Variants in GAS7 observed in about 807,000 individuals in gnomAD.
GAS7 encodes the protein growth arrest-specific protein 7.
A neutral mutation model predicts 71.1 loss-of-function variants in GAS7; 28 were observed. That is an observed-to-expected ratio of 0.39 (90% CI 0.29 to 0.54). The LOEUF is 0.54. Ranked by LOEUF, GAS7 falls within the 20% of genes least tolerant of loss-of-function variation. The pLI is 0.62. For missense variants in GAS7, 436 were observed against 627.8 expected (o/e 0.69, Z 3.27); for synonymous variants, 258 against 245.8 (o/e 1.05, Z -0.46).
At chr17:10,008,638 T>C (rs1295476162) in intron 2 of GAS7, among the ~76,000 whole-genome samples, 1 of 152,048 alleles carries the variant, frequency 6.6e-6, no homozygotes, top group Non-Finnish European at 1.5e-5. Context: ...ACGGATATCC[T>C]GGAAGAGAAA....
chr17:10,179,094 C>CTGAGGTG (rs2074395202), intron 1 of GAS7, among the ~76,000 whole-genome samples: 2 of 152,074 alleles, frequency 1.3e-5, no homozygotes. Flanking sequence ...GTTTGCAAGG[C>CTGAGGTG]TGAGGTGGGC....
intron 1 of GAS7, among the ~76,000 whole-genome samples, chr17:10,064,286 T>C (rs1017801186): frequency 8.5e-5 from 13 of 152,262 alleles, no homozygotes; most frequent in African/African-American, 2.6e-4. Context: ...CCTCACAGCA[T>C]GATCTGGCAT....
rs374265724 is a variant in GAS7 at position 9,992,480 on chromosome 17, G to A, written c.305-10596C>T. On this transcript the variant is annotated intron_variant, in intron 2 of 13. Transcript: ENST00000432992. ...GGGAAGCCCGGAGGGAAAAGGTTCC[G>A]GGGAGAAGGTTCCAGTGTGTGGGCA... Among the ~76,000 whole-genome samples, 17 of 152,196 alleles carry A rather than the reference G, an allele frequency of 1.1e-4. No individual in the cohort carries two copies. The East Asian group carries it at 1.3e-3, about 12-fold the overall frequency.
chr17:10,191,141 C>T (rs1472277570), intron 1 of GAS7, among the ~76,000 whole-genome samples: 1 of 147,958 alleles, frequency 6.8e-6, no homozygotes, highest in Non-Finnish European at 1.5e-5. Context: ...CGCCATTGTA[C>T]TCCAGCCTGG....
At chr17:10,072,265 G>A (rs906586924) in intron 1 of GAS7, among the ~76,000 whole-genome samples, 6 of 152,124 alleles carry the variant, frequency 3.9e-5, no homozygotes, top group African/African-American at 7.2e-5. Context: ...TATCTGCCCC[G>A]ATACCTGGTT....
intron 5 of GAS7, among the ~76,000 whole-genome samples, chr17:9,953,128 A>G (rs2069087367): frequency 6.6e-6 from 1 of 151,908 alleles, no homozygotes; most frequent in Admixed American, 6.6e-5. Flanking sequence ...GATAAAGGAA[A>G]CGTGGTACAT....
At chr17:10,192,081 G>C (rs2074506960) in intron 1 of GAS7, among the ~76,000 whole-genome samples, 1 of 152,092 alleles carries the variant, frequency 6.6e-6, no homozygotes, top group African/African-American at 2.4e-5. Context: ...ATCCTCTTAA[G>C]ACTCCTCAAA....
intron 2 of GAS7, among the ~76,000 whole-genome samples, chr17:9,994,551 A>C (rs2152146924): frequency 6.7e-6 from 1 of 148,162 alleles, no homozygotes; most frequent in East Asian, 1.9e-4. Context: ...TAAAGACTTA[A>C]ACGTTAGACC....
chr17:10,191,297 C>T (rs984303750), intron 1 of GAS7, among the ~76,000 whole-genome samples: 5 of 152,064 alleles, frequency 3.3e-5, no homozygotes, highest in African/African-American at 7.2e-5. Flanking sequence ...AGGCTGGGCA[C>T]GGTGGCTCAT....
chr17:10,007,649 A>AAAAAAAAAC (rs2071594284), intron 2 of GAS7, among the ~76,000 whole-genome samples: 1 of 147,598 alleles, frequency 6.8e-6, no homozygotes, highest in African/African-American at 2.6e-5. Context: ...AAAAAAAAAA[A>AAAAAAAAAC]AGAACAGTTT....
At chr17:10,170,033 G>A (rs1256954589) in intron 1 of GAS7, among the ~76,000 whole-genome samples, 1 of 152,016 alleles carries the variant, frequency 6.6e-6, no homozygotes, top group African/African-American at 2.4e-5. Flanking sequence ...AATCCCATTG[G>A]TCTCGCTCTC....
intron 1 of GAS7, among the ~76,000 whole-genome samples, chr17:10,147,475 T>C (rs1385937291): frequency 1.3e-5 from 2 of 152,152 alleles, no homozygotes; most frequent in East Asian, 1.9e-4. Context: ...ATCCTCAAAG[T>C]TTCTGTAAAC....
chr17:9,937,492 C>T (rs765892926), intron 8 of GAS7, among the ~76,000 whole-genome samples: 6 of 152,204 alleles, frequency 3.9e-5, no homozygotes, highest in Non-Finnish European at 7.3e-5. Flanking sequence ...TCTCAGGCCC[C>T]GTGCATGGAG....
At chr17:9,968,759 T>C (rs1376291290) in intron 4 of GAS7, among the ~76,000 whole-genome samples, 1 of 152,214 alleles carries the variant, frequency 6.6e-6, no homozygotes, top group Admixed American at 6.5e-5. Flanking sequence ...TAGATTTCCT[T>C]CTTCCAGTGA....
intron 1 of GAS7, among the ~76,000 whole-genome samples, chr17:10,065,363 C>G (rs963848815): frequency 6.6e-6 from 1 of 152,186 alleles, no homozygotes; most frequent in South Asian, 2.1e-4. Context: ...TCTCACAGTT[C>G]TGGATGCCAA....
intron 2 of GAS7, among the ~76,000 whole-genome samples, chr17:10,002,934 G>T (rs2071327992): frequency 6.6e-6 from 1 of 152,186 alleles, no homozygotes; most frequent in Non-Finnish European, 1.5e-5. Context: ...CCAGCAATAG[G>T]ATGGCTGGGT....
chr17:10,065,023 C>T (rs1157021232), intron 1 of GAS7, among the ~76,000 whole-genome samples: 3 of 152,100 alleles, frequency 2.0e-5, no homozygotes, highest in Non-Finnish European at 2.9e-5. Flanking sequence ...GGTCTCACTA[C>T]GTTGCTGAGG....
intron 8 of GAS7, among the ~76,000 whole-genome samples, chr17:9,939,463 C>A (rs1200493602): frequency 6.6e-6 from 1 of 152,196 alleles, no homozygotes; most frequent in African/African-American, 2.4e-5. Flanking sequence ...ACGCAGCTTC[C>A]TCCCAGCCTG....
chr17:9,919,777 C>A lies in GAS7; in HGVS notation c.1139-72G>T, dbSNP rs912617184. ...ATGACTCTGTGCCCCACCCTGAGCC[C>A]CACAGCCAAGCCTTCTCCTCCCCCT... On this transcript the variant is annotated intron_variant, in intron 11 of 13. Coordinates refer to ENST00000432992, the MANE Select transcript of GAS7 (RefSeq NM_201433.2). This position sits in a 1 kb window ranked among gnomAD's most constrained non-coding sequence, Gnocchi z 5.0. 16 of 1,153,216 alleles carry A rather than the reference C, an allele frequency of 1.4e-5. No individual in the cohort carries two copies. Among genetic ancestry groups the A allele is most frequent in the Non-Finnish European group, 2.1e-5 (16 of 762,342 alleles). The allele number at this position is 1,153,216 out of a possible 1,614,324, so 71.4% of individuals were successfully genotyped here.
Sources: gnomAD v4.1 joint callset for allele counts (sites outside exome capture counted in the v4.1 genomes callset) on GRCh38, gnomAD v4.1.1 for gene constraint, Gnocchi (gnomAD v3.1) non-coding constraint, MANE v1.5 for transcripts, NCBI Gene and HGNC (gene_info 2026-07-23, HGNC 2026-07-21) for gene names.